CNTNAP5: variants seen among roughly 807,000 people sequenced by gnomAD.
CNTNAP5 encodes contactin-associated protein-like 5.
A neutral mutation model predicts 150.2 loss-of-function variants in CNTNAP5; 72 were observed. The ratio of observed to expected loss-of-function variants is 0.48; its 90% CI spans 0.40 to 0.58. The LOEUF is 0.58. Ranked by LOEUF, CNTNAP5 falls within the 20% of genes least tolerant of loss-of-function variation. The pLI is 0.00. For missense variants in CNTNAP5, 1,636 were observed against 1,626.2 expected (o/e 1.01, Z -0.10); for synonymous variants, 672 against 619.8 (o/e 1.08, Z -1.25).
At chr2:124,591,587 T>C (rs759100529) in intron 11 of CNTNAP5, among the ~76,000 whole-genome samples, 2 of 152,138 alleles carry the variant, frequency 1.3e-5, no homozygotes, top group Non-Finnish European at 2.9e-5. Context: ...TTGATGAACA[T>C]ACATATTACA....
At chr2:124,636,660 G>C (rs1173986510) in intron 12 of CNTNAP5, among the ~76,000 whole-genome samples, 1 of 152,038 alleles carries the variant, frequency 6.6e-6, no homozygotes, top group East Asian at 1.9e-4. Context: ...GTGTCTGTGT[G>C]TGTCTGTGTG....
At chr2:124,033,322 A>G (rs1681114689) in intron 1 of CNTNAP5, among the ~76,000 whole-genome samples, 1 of 152,228 alleles carries the variant, frequency 6.6e-6, no homozygotes, top group Admixed American at 6.5e-5. Flanking sequence ...ATATCCTTCT[A>G]AAGGCAATCC....
At chr2:124,364,311 C>CT (rs1690307279) in intron 3 of CNTNAP5, among the ~76,000 whole-genome samples, 1 of 152,152 alleles carries the variant, frequency 6.6e-6, no homozygotes, top group African/African-American at 2.4e-5. Context: ...TTTAACCCCC[C>CT]TTTTATTTCC....
chr2:124,445,787 A>G (rs1254548478), intron 5 of CNTNAP5, among the ~76,000 whole-genome samples: 1 of 152,226 alleles, frequency 6.6e-6, no homozygotes, highest in African/African-American at 2.4e-5. Context: ...AAGGAACCTA[A>G]TATATAAAAT....
At chr2:124,873,407 A>G (rs535198390) in intron 21 of CNTNAP5, among the ~76,000 whole-genome samples, 4 of 152,194 alleles carry the variant, frequency 2.6e-5, no homozygotes, top group South Asian at 2.1e-4. Flanking sequence ...GATACAAACC[A>G]TATCAAATAC....
intron 6 of CNTNAP5, among the ~76,000 whole-genome samples, chr2:124,458,584 T>C (rs1204786945): frequency 1.3e-5 from 2 of 151,902 alleles, no homozygotes; most frequent in Non-Finnish European, 2.9e-5. Flanking sequence ...CTGCTTAGGT[T>C]ATGAGTGCAC....
intron 3 of CNTNAP5, among the ~76,000 whole-genome samples, chr2:124,263,634 C>T (rs1687523599): frequency 6.6e-6 from 1 of 152,130 alleles, no homozygotes; most frequent in Non-Finnish European, 1.5e-5. Context: ...TTTTGCTGTG[C>T]AGAAGCTCTT....
In CNTNAP5 at chr2:124,860,449, TTCTTTCCTTCC is replaced by T. The variant is rs1558803804; in HGVS notation, c.3218-4855_3218-4845del. Among the ~76,000 whole-genome samples, 655 of 109,690 alleles carry T rather than the reference TTCTTTCCTTCC, an allele frequency of 6.0e-3. 25 individuals are homozygous for T. Among genetic ancestry groups the T allele is most frequent in the South Asian group, 8.0e-3 (26 of 3,232 alleles). The allele number at this position is 109,690 out of a possible 152,430, so 72.0% of individuals were successfully genotyped here. A position where few individuals can be genotyped will look rare whatever the true frequency, so the allele number is the denominator to read the frequency against. On this transcript the variant is annotated intron_variant, in intron 19 of 23. Coordinates refer to ENST00000682447, the MANE Select transcript of CNTNAP5 (RefSeq NM_001367498.1). ...CTTCCTTCCTTCCTTCCTTCCTTCC[TTCTTTCCTTCC>T]TTCCTTCCTTCCTTCCTTCCTTCCT...
intron 9 of CNTNAP5, among the ~76,000 whole-genome samples, chr2:124,525,703 T>C (rs1362594310): frequency 6.6e-6 from 1 of 152,204 alleles, no homozygotes; most frequent in Non-Finnish European, 1.5e-5. Flanking sequence ...GTCCTCCACC[T>C]GTGCATGGAT....
At chr2:124,774,569 A>T (rs1387514276) in intron 17 of CNTNAP5, among the ~76,000 whole-genome samples, 1 of 152,322 alleles carries the variant, frequency 6.6e-6, no homozygotes. Flanking sequence ...TATTTTAAAA[A>T]TTTATATTGC....
At chr2:124,104,730 A>G (rs1683137921) in intron 1 of CNTNAP5, among the ~76,000 whole-genome samples, 1 of 152,120 alleles carries the variant, frequency 6.6e-6, no homozygotes, top group Non-Finnish European at 1.5e-5. Context: ...GGTTGATATA[A>G]ATAACAGAAG....
chr2:124,692,336 A>G (rs899998485), intron 13 of CNTNAP5, among the ~76,000 whole-genome samples: 13 of 152,194 alleles, frequency 8.5e-5, no homozygotes, highest in African/African-American at 3.1e-4. Flanking sequence ...ATTCAGTTAC[A>G]TATTGACTAT....
intron 1 of CNTNAP5, among the ~76,000 whole-genome samples, chr2:124,123,451 T>C (rs527990250): frequency 6.6e-6 from 1 of 152,314 alleles, no homozygotes; most frequent in Non-Finnish European, 1.5e-5. Context: ...GAGGCCTGCC[T>C]GCCTCTGTAG....
chr2:124,711,719 T>C (rs1161286870), intron 13 of CNTNAP5, among the ~76,000 whole-genome samples: 1 of 152,024 alleles, frequency 6.6e-6, no homozygotes, highest in Non-Finnish European at 1.5e-5. Flanking sequence ...CACGTGCCTG[T>C]AGTCCCAGCT....
At chr2:124,424,396 G>A (rs1692191641) in intron 4 of CNTNAP5, among the ~76,000 whole-genome samples, 2 of 152,250 alleles carry the variant, frequency 1.3e-5, no homozygotes, top group Middle Eastern at 3.4e-3. Context: ...CAGACCTGGG[G>A]CATTGGCAGT....
chr2:124,317,726 T>C (rs1480954592), intron 3 of CNTNAP5, among the ~76,000 whole-genome samples: 3 of 152,200 alleles, frequency 2.0e-5, no homozygotes, highest in Admixed American at 2.0e-4. Context: ...AGTTGCCCAA[T>C]TGCAGATCAC....
chr2:124,300,490 A>G (rs1688547198), intron 3 of CNTNAP5, among the ~76,000 whole-genome samples: 1 of 151,982 alleles, frequency 6.6e-6, no homozygotes, highest in Admixed American at 6.6e-5. Context: ...AGTTCTAGGC[A>G]TGGAGCAGAG....
At chr2:124,160,762 T>C (rs1181514632) in intron 1 of CNTNAP5, among the ~76,000 whole-genome samples, 4 of 152,214 alleles carry the variant, frequency 2.6e-5, no homozygotes, top group Non-Finnish European at 5.9e-5. Flanking sequence ...AAGCAAACCC[T>C]GTGTTAAATT....
intron 13 of CNTNAP5, among the ~76,000 whole-genome samples, chr2:124,687,691 A>C (rs1219178956): frequency 1.3e-5 from 2 of 152,016 alleles, no homozygotes; most frequent in Non-Finnish European, 2.9e-5. Context: ...ATTGAACTAC[A>C]AAAAGTCTGT....
Sources: gnomAD v4.1 joint callset for allele counts (sites outside exome capture counted in the v4.1 genomes callset) on GRCh38, gnomAD v4.1.1 for gene constraint, MANE v1.5 for transcripts, NCBI Gene and HGNC (gene_info 2026-07-23, HGNC 2026-07-21) for gene names.